The following PINX1 variants were observed in gnomAD, a reference collection of about 807,000 sequenced individuals.
PINX1 encodes the protein PIN2 (TERF1) interacting telomerase inhibitor 1.
PINX1 carries 34 observed loss-of-function variants against 25.4 expected under a neutral mutation model. The ratio of observed to expected loss-of-function variants is 1.34; its 90% CI spans 1.02 to 1.78. The LOEUF is 1.78. Ranked by LOEUF, PINX1 falls within the 40% of genes most tolerant of loss-of-function variation. The pLI, the probability that PINX1 is intolerant of heterozygous loss-of-function variation, is 0.00. For synonymous variants in PINX1, 197 were observed against 147.7 expected, an observed-to-expected ratio of 1.33 and a Z score of -2.42; for missense variants, 592 against 404.9, an observed-to-expected ratio of 1.46 and a Z score of -3.97.
intron 6 of PINX1, among the ~76,000 whole-genome samples, chr8:10,766,520 A>C (rs777400491): frequency 6.6e-6 from 1 of 152,148 alleles, no homozygotes; most frequent in Non-Finnish European, 1.5e-5. Context: ...TCCTGAAGGG[A>C]GGGCAGAGTG....
At chr8:10,770,445 G>A (rs1390570540) in intron 6 of PINX1, among the ~76,000 whole-genome samples, 2 of 152,206 alleles carry the variant, frequency 1.3e-5, no homozygotes, top group Non-Finnish European at 2.9e-5. Flanking sequence ...GTCCCTGAAA[G>A]ATGCCTGAAG....
chr8:10,799,381 G>T (rs1352893692), intron 6 of PINX1, among the ~76,000 whole-genome samples: 1 of 152,128 alleles, frequency 6.6e-6, no homozygotes, highest in Non-Finnish European at 1.5e-5. Context: ...GAGGCCCCGA[G>T]GCCTGACAGT....
chr8:10,779,163 T>A (rs1361417187), intron 6 of PINX1, among the ~76,000 whole-genome samples: 1 of 152,226 alleles, frequency 6.6e-6, no homozygotes, highest in South Asian at 2.1e-4. Context: ...TAGCCGTATT[T>A]TTTAAAGGAT....
chr8:10,772,206 A>G lies in PINX1; in HGVS notation c.472-6290T>C, dbSNP rs192088618. Among the ~76,000 whole-genome samples the G allele has an allele frequency of 5.9e-5, 9 of 152,382 alleles. No individual in the cohort carries two copies. In the East Asian group the frequency reaches 1.5e-3, roughly 26 times the overall value. ...AAGGTAAGCAGCTCATTTGGAGAAC[A>G]GCAGTGGGATGGAAGTTCCACCAGC... On this transcript the variant is annotated intron_variant, in intron 6 of 6. Transcript: ENST00000314787.
At chr8:10,832,265 G>A (rs944575742) in intron 3 of PINX1, among the ~76,000 whole-genome samples, 10 of 152,092 alleles carry the variant, frequency 6.6e-5, no homozygotes, top group African/African-American at 2.4e-4. Flanking sequence ...TTGTAAGGTG[G>A]TTACCTAATA....
intron 6 of PINX1, among the ~76,000 whole-genome samples, chr8:10,802,720 T>C (rs980551199): frequency 6.6e-6 from 1 of 152,128 alleles, no homozygotes; most frequent in African/African-American, 2.4e-5. Flanking sequence ...TGGGCGAAGA[T>C]CTCTATGAAG....
At chr8:10,823,970 T>C (rs1465840894) in intron 5 of PINX1, among the ~76,000 whole-genome samples, 3 of 152,246 alleles carry the variant, frequency 2.0e-5, no homozygotes, top group Non-Finnish European at 2.9e-5. Context: ...TCCTGTTTGA[T>C]TTCCTGGACG....
intron 5 of PINX1, 114 bp downstream of exon 5, chr8:10,826,038 G>C (rs1331929344): frequency 4.9e-6 from 3 of 616,226 alleles, no homozygotes; most frequent in African/African-American, 3.7e-5. Context: ...CAGCAATGCA[G>C]TCGGAGCTGT....
intron 6 of PINX1, among the ~76,000 whole-genome samples, chr8:10,784,609 T>C (rs1329926580): frequency 6.6e-6 from 1 of 152,192 alleles, no homozygotes; most frequent in Non-Finnish European, 1.5e-5. Context: ...CAAAACCTAG[T>C]TTACTGAAAG....
At chr8:10,769,474 C>G (rs1801158864) in intron 6 of PINX1, among the ~76,000 whole-genome samples, 1 of 152,178 alleles carries the variant, frequency 6.6e-6, no homozygotes, top group Non-Finnish European at 1.5e-5. Flanking sequence ...GACTCTGGAG[C>G]ACCTGTTCCC....
chr8:10,819,305 G>T (rs1404566123), intron 6 of PINX1, among the ~76,000 whole-genome samples: 2 of 152,154 alleles, frequency 1.3e-5, no homozygotes, highest in Admixed American at 1.3e-4. Context: ...ATTTCTGTCA[G>T]TCTGGAAAAA....
At chr8:10,776,423 CAATA>C (rs201127460) in intron 6 of PINX1, among the ~76,000 whole-genome samples, 76 of 145,106 alleles carry the variant, frequency 5.2e-4, no homozygotes, top group East Asian at 3.6e-3. Flanking sequence ...AGACTCCGCT[CAATA>C]AATAAATAAA....
At chr8:10,789,737 G>A (rs914421671) in intron 6 of PINX1, among the ~76,000 whole-genome samples, 4 of 152,222 alleles carry the variant, frequency 2.6e-5, no homozygotes, top group East Asian at 3.9e-4. Context: ...GTCCGTATCC[G>A]ATGACCCTGC....
chr8:10,799,356 C>T (rs946747625), intron 6 of PINX1, among the ~76,000 whole-genome samples: 13 of 152,150 alleles, frequency 8.5e-5, no homozygotes, highest in African/African-American at 2.9e-4. Context: ...CTTTTACAAG[C>T]GAACAGTTCT....
Position 10,765,605 on chromosome 8 carries a change from G to C in PINX1, c.783C>G (p.Leu261=), listed in dbSNP as rs765112425. The C allele has an allele frequency of 7.7e-5, 125 of 1,613,660 alleles. No individual in the cohort carries two copies. Among genetic ancestry groups the C allele is most frequent in the Non-Finnish European group, 1.0e-4 (121 of 1,179,868 alleles). Residue 261 remains leucine (L), a synonymous_variant, in exon 7 of 7, where the codon CTC becomes CTG. Coordinates refer to ENST00000314787, the MANE Select transcript of PINX1 (RefSeq NM_017884.6). ...AACTCTGGTCCCAGCAGGGGCCTCT[G>C]AGCTGCTCTTCTGCTGGCGCGCTCT... is the stretch of plus-strand genomic sequence containing the variant. ...KKKSAPAEEQ[L]RGPCWDQSSK...
intron 5 of PINX1, chr8:10,825,461 G>C (rs775379795): frequency 3.7e-6 from 2 of 534,522 alleles, no homozygotes; most frequent in Non-Finnish European, 7.7e-6. Context: ...AGACAAACTG[G>C]GGAGTTGGTT....
chr8:10,834,443 G>C (rs913087854), intron 2 of PINX1: 41 of 600,056 alleles, frequency 6.8e-5, no homozygotes, highest in East Asian at 1.5e-4. Flanking sequence ...TAGTTGCAAT[G>C]TCTATGAAAG....
intron 5 of PINX1, chr8:10,825,554 C>T: frequency 4.1e-6 from 2 of 485,742 alleles, no homozygotes; most frequent in Non-Finnish European, 8.5e-6. Context: ...AATGATTTCA[C>T]ATACTGGGAA....
chr8:10,765,297 C>T lies in PINX1; in HGVS notation c.*104G>A. On this transcript the variant is annotated 3_prime_UTR_variant, in exon 7 of 7. Coordinates refer to ENST00000314787, the MANE Select transcript of PINX1 (RefSeq NM_017884.6). ...GCCCATGGGCATGCCACAAGATGCG[C>T]CCAGGCGCTCTGGGGTGAACTCTGC... 8.8e-7 allele frequency: 1 copy of T among 1,142,206 alleles called. No individual in the cohort carries two copies. The highest frequency in any genetic ancestry group is 2.6e-5 in the East Asian group (1 of 38,900). 70.8% of individuals were successfully genotyped at this position (1,142,206 alleles called of 1,614,324 possible).
Sources: allele counts gnomAD v4.1 joint callset (sites outside exome capture counted in the v4.1 genomes callset), GRCh38; gene constraint gnomAD v4.1.1; transcripts MANE v1.5; gene names NCBI Gene and HGNC (gene_info 2026-07-23, HGNC 2026-07-21).